The following HS3ST2 variants were observed in gnomAD, a reference collection of about 807,000 sequenced individuals.
HS3ST2 encodes the protein heparan sulfate glucosamine 3-O-sulfotransferase 2.
In HS3ST2, 17 loss-of-function variants were observed where a neutral mutation model predicts 26.3. The observed-to-expected ratio is 0.65, with a 90% CI of 0.44 to 0.97. The LOEUF (loss-of-function observed/expected upper bound fraction) is 0.97. Ranked by LOEUF, HS3ST2 falls within the 50% of genes least tolerant of loss-of-function variation. The probability of loss-of-function intolerance (pLI) is 0.00; values close to 1 mark genes in which losing one functional copy is unlikely to be tolerated. For missense variants in HS3ST2, 402 were observed against 501.2 expected (o/e 0.80, Z 1.89); for synonymous variants, 237 against 219.2 (o/e 1.08, Z -0.72).
intron 1 of HS3ST2, among the ~76,000 whole-genome samples, chr16:22,831,951 A>G (rs1374609899): frequency 6.6e-6 from 1 of 152,070 alleles, no homozygotes; most frequent in Non-Finnish European, 1.5e-5. Context: ...AGATGATTTT[A>G]CTGGAAGATA....
intron 1 of HS3ST2, among the ~76,000 whole-genome samples, chr16:22,839,617 C>A (rs1331512479): frequency 6.8e-6 from 1 of 148,054 alleles, no homozygotes; most frequent in Non-Finnish European, 1.5e-5. Context: ...ATATTGTATG[C>A]TTTTTTTTTT....
chr16:22,866,462 A>AC (rs1901754344), intron 1 of HS3ST2, among the ~76,000 whole-genome samples: 1 of 152,172 alleles, frequency 6.6e-6, no homozygotes, highest in South Asian at 2.1e-4. Context: ...ATATTTGAAT[A>AC]AATATGCAGA....
intron 1 of HS3ST2, among the ~76,000 whole-genome samples, chr16:22,881,236 C>T (rs1425750867): frequency 6.6e-6 from 1 of 152,192 alleles, no homozygotes; most frequent in Non-Finnish European, 1.5e-5. Flanking sequence ...TAGGGATGCC[C>T]CTGACCACTT....
At chr16:22,869,771 T>C (rs1901807168) in intron 1 of HS3ST2, among the ~76,000 whole-genome samples, 1 of 152,066 alleles carries the variant, frequency 6.6e-6, no homozygotes, top group Non-Finnish European at 1.5e-5. Context: ...CAAGATGAGA[T>C]TTGGGTGGGG....
chr16:22,867,065 A>T (rs920882249), intron 1 of HS3ST2, among the ~76,000 whole-genome samples: 4 of 152,262 alleles, frequency 2.6e-5, no homozygotes, highest in Non-Finnish European at 5.9e-5. Flanking sequence ...ACATAAGTTT[A>T]TAGTAATTAA....
At position 22,863,844 on chromosome 16, in the gene HS3ST2, C is replaced by G. The variant is rs77425588; in HGVS notation, c.485+48749C>G. Among the ~76,000 whole-genome samples, 259 of 152,310 alleles carry G rather than the reference C, an allele frequency of 1.7e-3. 2 individuals carry two copies. Among genetic ancestry groups the G allele is most frequent in the Middle Eastern group, 3.4e-3 (1 of 294 alleles). On this transcript the variant is annotated intron_variant, in intron 1 of 1. Transcript: ENST00000261374. ...CAATGGCAATTACCTGCCACCCTCTCCCTTCATCCTTTGTGGTTCCCAACA... is the reference window on the plus strand; with the variant it reads ...CAATGGCAATTACCTGCCACCCTCTGCCTTCATCCTTTGTGGTTCCCAACA...
intron 1 of HS3ST2, among the ~76,000 whole-genome samples, chr16:22,889,931 C>A (rs1267034104): frequency 6.6e-6 from 1 of 152,098 alleles, no homozygotes; most frequent in East Asian, 1.9e-4. Context: ...AAGTAAAATA[C>A]AACTGACTAA....
chr16:22,878,624 T>C (rs1901949804), intron 1 of HS3ST2, among the ~76,000 whole-genome samples: 1 of 151,688 alleles, frequency 6.6e-6, no homozygotes, highest in Admixed American at 6.6e-5. Flanking sequence ...AAAAAAGAAA[T>C]AAATACATTA....
At chr16:22,845,412 T>A (rs1596612049) in intron 1 of HS3ST2, among the ~76,000 whole-genome samples, 1 of 143,884 alleles carries the variant, frequency 7.0e-6, no homozygotes, top group East Asian at 2.0e-4. Context: ...AGTGCAATGG[T>A]GTGATCTCGG....
chr16:22,865,996 C>G (rs117151136), intron 1 of HS3ST2, among the ~76,000 whole-genome samples: 3,452 of 152,210 alleles, frequency 0.023, 60 homozygotes, highest in Non-Finnish European at 0.035. Context: ...TTTCTGAAAA[C>G]AAAATCCTAA....
chr16:22,909,061 G>T (rs575419533), intron 1 of HS3ST2, among the ~76,000 whole-genome samples: 1 of 152,262 alleles, frequency 6.6e-6, no homozygotes, highest in South Asian at 2.1e-4. Flanking sequence ...AACTAATGAG[G>T]AATCTCTTCC....
At chr16:22,888,657 T>C (rs1422422542) in intron 1 of HS3ST2, among the ~76,000 whole-genome samples, 1 of 152,198 alleles carries the variant, frequency 6.6e-6, no homozygotes, top group African/African-American at 2.4e-5. Context: ...AGTGCTGGGA[T>C]TACAGGCGTG....
chr16:22,908,804 C>T (rs1000459724), intron 1 of HS3ST2, among the ~76,000 whole-genome samples: 12 of 152,202 alleles, frequency 7.9e-5, no homozygotes, highest in African/African-American at 2.4e-5. Context: ...AATAGTACCA[C>T]GTTGAGGATT....
intron 1 of HS3ST2, among the ~76,000 whole-genome samples, chr16:22,846,109 C>T (rs1901428344): frequency 6.6e-6 from 1 of 152,106 alleles, no homozygotes; most frequent in African/African-American, 2.4e-5. Context: ...GAAACCCCAT[C>T]TCTGCTAAAA....
At chr16:22,850,410 C>T (rs764533103) in intron 1 of HS3ST2, among the ~76,000 whole-genome samples, 8 of 152,108 alleles carry the variant, frequency 5.3e-5, no homozygotes, top group African/African-American at 7.2e-5. Context: ...TAACAAACAA[C>T]GCTAGAATTT....
chr16:22,848,546 C>A (rs1901477417), intron 1 of HS3ST2, among the ~76,000 whole-genome samples: 1 of 152,122 alleles, frequency 6.6e-6, no homozygotes. Context: ...CTCAGGATTG[C>A]TTCTGAGTGC....
intron 1 of HS3ST2, among the ~76,000 whole-genome samples, chr16:22,855,521 G>T (rs892513813): frequency 1.3e-5 from 2 of 152,112 alleles, no homozygotes; most frequent in African/African-American, 4.8e-5. Context: ...AGCTGCAACT[G>T]CCACGCCCCT....
chr16:22,881,237 C>G (rs1411802652), intron 1 of HS3ST2, among the ~76,000 whole-genome samples: 2 of 152,220 alleles, frequency 1.3e-5, no homozygotes, highest in African/African-American at 4.8e-5. Context: ...AGGGATGCCC[C>G]TGACCACTTC....
chr16:22,844,206 T>C (rs1303217242), intron 1 of HS3ST2, among the ~76,000 whole-genome samples: 1 of 152,170 alleles, frequency 6.6e-6, no homozygotes, highest in Non-Finnish European at 1.5e-5. Context: ...AGCCTTTGAG[T>C]GGCTTTACAT....
Sources: gnomAD v4.1 joint callset for allele counts (sites outside exome capture counted in the v4.1 genomes callset) on GRCh38, gnomAD v4.1.1 for gene constraint, MANE v1.5 for transcripts, NCBI Gene and HGNC (gene_info 2026-07-23, HGNC 2026-07-21) for gene names.